The following ZNF808 variants were observed in gnomAD, a reference collection of about 807,000 sequenced individuals.
ZNF808 encodes zinc finger protein 808.
Under a neutral mutation model 8.7 loss-of-function variants are expected in ZNF808, and 5 were observed. That is an observed-to-expected ratio of 0.58 (90% CI 0.30 to 1.21). The LOEUF is 1.21. Among genes scored for constraint, ZNF808 ranks in the 50% most tolerant of loss-of-function variants. The probability of loss-of-function intolerance (pLI) is 0.07; values close to 1 mark genes in which losing one functional copy is unlikely to be tolerated. For synonymous variants in ZNF808, 380 were observed against 366.0 expected (o/e 1.04, Z -0.44); for missense variants, 1,103 against 1,098.4 (o/e 1.00, Z -0.06).
At chr19:52,560,154 T>C (rs1306069160), downstream of ZNF808, among the ~76,000 whole-genome samples, 1 of 151,846 alleles carries the variant, frequency 6.6e-6, no homozygotes, top group African/African-American at 2.4e-5. Context: ...GGCAAAATGG[T>C]GAAATGCCAT....
At chr19:52,568,263 A>G (rs778180051), downstream of ZNF808, among the ~76,000 whole-genome samples, 2 of 152,168 alleles carry the variant, frequency 1.3e-5, no homozygotes, top group Non-Finnish European at 2.9e-5. Context: ...ATTTTCAGCT[A>G]TTTGGGAGGC....
At chr19:52,540,745 A>G (rs1376664000) in intron 2 of ZNF808, among the ~76,000 whole-genome samples, 2 of 152,198 alleles carry the variant, frequency 1.3e-5, no homozygotes, top group African/African-American at 4.8e-5. Flanking sequence ...TGTTCTTGAG[A>G]AAAGCATTTG....
chr19:52,537,399 AAG>A (rs1261650044), intron 2 of ZNF808, among the ~76,000 whole-genome samples: 1 of 152,002 alleles, frequency 6.6e-6, no homozygotes, highest in Non-Finnish European at 1.5e-5. Flanking sequence ...GTAATGAAGA[AAG>A]AGGGGCCAGG....
downstream of ZNF808, among the ~76,000 whole-genome samples, chr19:52,558,005 G>A (rs1414211676): frequency 1.5e-5 from 2 of 132,640 alleles, no homozygotes; most frequent in Admixed American, 8.3e-5. Context: ...TGGAGTGCGC[G>A]TCTAGGTGTG....
intron 2 of ZNF808, among the ~76,000 whole-genome samples, chr19:52,536,358 G>T (rs1257495728): frequency 1.3e-5 from 2 of 152,098 alleles, no homozygotes; most frequent in African/African-American, 2.4e-5. Context: ...CCGCGAGGTG[G>T]ATTCCCGCCC....
chr19:52,556,415 C>CT (rs1420137729), downstream of ZNF808: 1 of 153,302 alleles, frequency 6.5e-6, no homozygotes, highest in Non-Finnish European at 1.5e-5. Flanking sequence ...CAACCTCCGC[C>CT]TCCCGGGTTC....
chr19:52,552,133 A>T (rs2059783108), intron 4 of ZNF808, among the ~76,000 whole-genome samples: 1 of 151,034 alleles, frequency 6.6e-6, no homozygotes, highest in Admixed American at 6.6e-5. Flanking sequence ...TTCTCCTGCC[A>T]CAGCCTCCCG....
intron 3 of ZNF808, among the ~76,000 whole-genome samples, chr19:52,546,485 G>A (rs2059721417): frequency 6.6e-6 from 1 of 151,816 alleles, no homozygotes; most frequent in Non-Finnish European, 1.5e-5. Context: ...GTGCCTGACC[G>A]ATCATGATAG....
At chr19:52,550,475 C>G (rs139749570) in intron 4 of ZNF808, among the ~76,000 whole-genome samples, 7,642 of 152,052 alleles carry the variant, frequency 0.05, 213 homozygotes, top group Middle Eastern at 0.079. Context: ...AGTGATCTAC[C>G]TACCTCAGCC....
intron 2 of ZNF808, among the ~76,000 whole-genome samples, chr19:52,533,653 G>A (rs1417807474): frequency 6.6e-6 from 1 of 151,328 alleles, no homozygotes; most frequent in African/African-American, 2.4e-5. Context: ...TCAGGAGTTC[G>A]ACACCGCCTG....
At chr19:52,537,261 G>A (rs1315557295) in intron 2 of ZNF808, among the ~76,000 whole-genome samples, 1 of 152,006 alleles carries the variant, frequency 6.6e-6, no homozygotes, top group Non-Finnish European at 1.5e-5. Flanking sequence ...GGAAGAAGGG[G>A]ATAAATAGCA....
downstream of ZNF808, chr19:52,556,816 GTTTCC>G (rs1021331574): frequency 1.3e-5 from 2 of 151,970 alleles, no homozygotes; most frequent in African/African-American, 4.8e-5. Context: ...CTGGTTTTCA[GTTTCC>G]TTTCCTTATG....
At chr19:52,551,507 T>C (rs555324807) in intron 4 of ZNF808, among the ~76,000 whole-genome samples, 5 of 152,316 alleles carry the variant, frequency 3.3e-5, no homozygotes, top group Non-Finnish European at 7.4e-5. Context: ...TCAGTTCTTA[T>C]ATTGTGTGCT....
rs188935367 is a variant in ZNF808 at position 52,537,988 on chromosome 19, G to A, written c.-20+4979G>A. 7.4e-3 allele frequency among the ~76,000 whole-genome samples: 1,094 copies of A among 147,862 alleles called. 6 individuals carry two copies. The highest frequency in any genetic ancestry group is 0.017 in the Middle Eastern group (5 of 288). On this transcript the variant is annotated intron_variant, in intron 2 of 4. Coordinates refer to ENST00000359798, the MANE Select transcript of ZNF808 (RefSeq NM_001039886.4). ...TAGGAAGTGGTGGGAAAAAAAAATCGCTGTTATTACATAATACTTTTAATT... is the reference window on the plus strand; with the variant it reads ...TAGGAAGTGGTGGGAAAAAAAAATCACTGTTATTACATAATACTTTTAATT...
chr19:52,550,517 A>G (rs1415666442), intron 4 of ZNF808, among the ~76,000 whole-genome samples: 2 of 146,178 alleles, frequency 1.4e-5, no homozygotes, highest in Non-Finnish European at 3.0e-5. Context: ...GGCATGAACC[A>G]CTGTGTCCGG....
intron 4 of ZNF808, among the ~76,000 whole-genome samples, chr19:52,549,495 G>A (rs1259409543): frequency 1.3e-5 from 2 of 152,120 alleles, no homozygotes; most frequent in Admixed American, 6.6e-5. Context: ...CCACCATACT[G>A]CTGCTTTTTT....
chr19:52,547,406 C>T (rs373611494), intron 3 of ZNF808, 106 bp from the exon 4 acceptor site: 36 of 1,577,912 alleles, frequency 2.3e-5, no homozygotes, highest in East Asian at 2.3e-5. Flanking sequence ...TTTGTCAGAA[C>T]ACAGTCTTTG....
intron 3 of ZNF808, among the ~76,000 whole-genome samples, chr19:52,546,076 A>G (rs1312876707): frequency 6.6e-6 from 1 of 152,188 alleles, no homozygotes; most frequent in East Asian, 1.9e-4. Flanking sequence ...ATCTTTCTTC[A>G]TGGGACAGTA....
Position 52,554,370 on chromosome 19 carries a change from G to C in ZNF808, c.1454G>C (p.Cys485Ser), listed in dbSNP as rs199934061. Residue 485 changes from cysteine to serine, a missense_variant, in exon 5 of 5, where the codon TGT becomes TCT. Coordinates refer to ENST00000359798, the MANE Select transcript of ZNF808 (RefSeq NM_001039886.4). ...CACACTGGAGAGAAAACTTACAAGT[G>C]TAATGAGTGTCGCAAGACCTTCAGC... ...RIHTGEKTYK[C>S]NECRKTFSRR... 5.6e-6 allele frequency: 9 copies of C among 1,613,946 alleles called. No individual in the cohort carries two copies. The African/African-American group carries it at 9.3e-5, about 17-fold the overall frequency.
Sources: gnomAD v4.1 joint callset for allele counts (sites outside exome capture counted in the v4.1 genomes callset) on GRCh38, gnomAD v4.1.1 for gene constraint, MANE v1.5 for transcripts, NCBI Gene and HGNC (gene_info 2026-07-23, HGNC 2026-07-21) for gene names.